Variants in KLB observed in about 807,000 individuals in gnomAD.
The protein encoded by KLB is beta-klotho.
Under a neutral mutation model 88.4 loss-of-function variants are expected in KLB, and 44 were observed. The ratio of observed to expected loss-of-function variants is 0.50; its 90% CI spans 0.39 to 0.64. The LOEUF (loss-of-function observed/expected upper bound fraction) is 0.64. Ranked by LOEUF, KLB falls within the 30% of genes least tolerant of loss-of-function variation. The probability of loss-of-function intolerance (pLI) is 0.00; values close to 1 mark genes in which losing one functional copy is unlikely to be tolerated. For synonymous variants in KLB, 548 were observed against 513.4 expected (o/e 1.07, Z -0.91); for missense variants, 1,137 against 1,304.8 (o/e 0.87, Z 1.98).
At chr4:39,417,937 G>T (rs181793246) in intron 1 of KLB, among the ~76,000 whole-genome samples, 3 of 152,086 alleles carry the variant, frequency 2.0e-5, no homozygotes, top group African/African-American at 7.2e-5. Context: ...ATCCAAGCTA[G>T]CAAGTTCTGA....
At chr4:39,420,275 G>A (rs1001905890) in intron 1 of KLB, among the ~76,000 whole-genome samples, 5 of 152,096 alleles carry the variant, frequency 3.3e-5, no homozygotes, top group African/African-American at 4.8e-5. Context: ...TAAAGGGCCA[G>A]GGTCTACTGT....
chr4:39,447,217 G>T lies in KLB; in HGVS notation c.2491G>T (p.Val831Leu), dbSNP rs377554151. 6.0e-5 allele frequency: 97 copies of T among 1,614,054 alleles called. 1 individual carries two copies. In the East Asian group the frequency reaches 1.3e-3, roughly 22 times the overall value. Residue 831 changes from valine (V) to leucine (L), a missense_variant, in exon 4 of 5, where the codon GTG (valine) becomes TTG (leucine). Val to Leu is a conservative substitution (Grantham distance 32). Transcript: ENST00000257408. Reference protein sequence around the residue: ...CALNHFTTRFVMHEQLAGSRY... With the variant: ...CALNHFTTRFLMHEQLAGSRY... ...GCTCAACCACTTCACCACTAGGTTC[G>T]TGATGCACGAGCAGCTGGCCGGCAG... is the stretch of plus-strand genomic sequence containing the variant.
chr4:39,434,141 C>A, intron 1 of KLB, 69 bp from the exon 2 acceptor site: 1 of 1,400,024 alleles, frequency 7.1e-7, no homozygotes, highest in Non-Finnish European at 9.8e-7. Context: ...ATGAAAAGGC[C>A]ATTTACCAGC....
rs984923563 is a variant in KLB at position 39,434,509 on chromosome 4, A to T, written c.1125A>T (p.Gly375=). 10 of 1,613,996 alleles carry T rather than the reference A, an allele frequency of 6.2e-6. No individual in the cohort carries two copies. The highest frequency in any genetic ancestry group is 5.0e-5 in the Admixed American group (3 of 59,982). The change falls in exon 2 of 5, where the codon GGA becomes GGT. Residue 375 remains glycine (G), a synonymous_variant. Coordinates refer to ENST00000257408, the MANE Select transcript of KLB (RefSeq NM_175737.4). ...CTGATTTCTTTGCCTTTTCTTTTGG[A>T]CCCAACAACTTCAAGCCCCTAAACA... ...GTADFFAFSF[G]PNNFKPLNTM...
chr4:39,445,617 G>A (rs1167546709), intron 3 of KLB, among the ~76,000 whole-genome samples: 1 of 149,352 alleles, frequency 6.7e-6, no homozygotes, highest in East Asian at 2.0e-4. Context: ...CGATTCTCCT[G>A]CCTCAGCCTC....
chr4:39,437,648 C>T, intron 2 of KLB, 79 bp from the exon 3 acceptor site: 1 of 1,472,182 alleles, frequency 6.8e-7, no homozygotes. Context: ...ATGCTGTCCT[C>T]TGGCATGTTA....
chr4:39,420,523 C>T (rs568698063), intron 1 of KLB, among the ~76,000 whole-genome samples: 1 of 152,060 alleles, frequency 6.6e-6, no homozygotes, highest in South Asian at 2.1e-4. Flanking sequence ...TCAACCAATA[C>T]CCTTGACTTC....
chr4:39,429,086 T>C (rs1369613236), intron 1 of KLB, among the ~76,000 whole-genome samples: 1 of 152,236 alleles, frequency 6.6e-6, no homozygotes, highest in East Asian at 1.9e-4. Flanking sequence ...TTTGTTATGC[T>C]TGTGGAGTTT....
At chr4:39,420,932 C>G (rs1039673676) in intron 1 of KLB, among the ~76,000 whole-genome samples, 1 of 152,158 alleles carries the variant, frequency 6.6e-6, no homozygotes, top group Non-Finnish European at 1.5e-5. Flanking sequence ...CCACACACCA[C>G]GGGAAGTAAC....
rs1743876301 is a variant in KLB, at chr4:39,450,825, C to T, written c.*2139C>T. On this transcript the variant is annotated 3_prime_UTR_variant, in exon 5 of 5. Coordinates refer to ENST00000257408, the MANE Select transcript of KLB (RefSeq NM_175737.4). The stretch of plus-strand genomic sequence containing the variant: ...GGAAAATTCTTTAATGTCAACTGGG[C>T]AACTCATTAACCTCTCTTTAACATC... The T allele has an allele frequency of 1.4e-5, 2 of 143,950 alleles. No individual in the cohort carries two copies. Among genetic ancestry groups the T allele is most frequent in the Admixed American group, 7.1e-5 (1 of 14,004 alleles). The allele number at this position is 143,950 out of a possible 1,614,324, so 8.9% of individuals were successfully genotyped here.
rs1743893958 is a variant in KLB, at chr4:39,451,349, TTC to T, written c.*2665_*2666del. Reference sequence around the variant, plus strand: ...GGTAAGATCTTTGGAGTTTAAGCTTTTCTGAGATGTGTTGTGAAAAATCTAAC... The same window carrying T: ...GGTAAGATCTTTGGAGTTTAAGCTTTTGAGATGTGTTGTGAAAAATCTAAC... On this transcript the variant is annotated 3_prime_UTR_variant, in exon 5 of 5. Transcript: ENST00000257408. 1 of 152,338 alleles carries T rather than the reference TTC, an allele frequency of 6.6e-6. No individual in the cohort carries two copies. Among genetic ancestry groups the T allele is most frequent in the South Asian group, 2.1e-4 (1 of 4,834 alleles). 9.4% of individuals were successfully genotyped at this position (152,338 alleles called of 1,614,324 possible).
At chr4:39,423,842 C>CT (rs899950240) in intron 1 of KLB, among the ~76,000 whole-genome samples, 7 of 151,246 alleles carry the variant, frequency 4.6e-5, no homozygotes, top group African/African-American at 1.7e-4. Flanking sequence ...GGGGAAGGAT[C>CT]TTTTTTTTAA....
rs893542820 is a variant in KLB at position 39,428,861 on chromosome 4, C to G, written c.826-5349C>G. On this transcript the variant is annotated intron_variant, in intron 1 of 4. Coordinates refer to ENST00000257408, the MANE Select transcript of KLB (RefSeq NM_175737.4). ...TAGCTGGGACTACAGGTGCCCGCCA[C>G]CATGACCGGCTAATTTTTGTATTTT... Among the ~76,000 whole-genome samples, 4 of 152,144 alleles carry G rather than the reference C, an allele frequency of 2.6e-5. No individual in the cohort carries two copies. The East Asian group carries it at 7.7e-4, about 29-fold the overall frequency.
At chr4:39,407,974 GT>G (rs1742766471) in intron 1 of KLB, among the ~76,000 whole-genome samples, 200 bp downstream of exon 1, 1 of 152,150 alleles carries the variant, frequency 6.6e-6, no homozygotes, top group African/African-American at 2.4e-5. Context: ...AATCCAATTA[GT>G]TTTTTCAAAA....
chr4:39,448,335 T>G lies in KLB; in HGVS notation c.2784T>G (p.Tyr928Ter). Residue 928 changes from tyrosine (Y) to a stop codon, truncating the protein, a stop_gained, in exon 5 of 5, where the codon TAT becomes TAG. Transcript: ENST00000257408. LOFTEE classifies it low-confidence loss of function (END_TRUNC). Reference sequence around the variant, plus strand: ...TTGATAAAGTCAGAATCAAAGGCTATTATGCATTCAAACTGGCTGAAGAGA... The same window carrying G: ...TTGATAAAGTCAGAATCAAAGGCTAGTATGCATTCAAACTGGCTGAAGAGA... ...YLIDKVRIKGYYAFKLAEEKS... is the reference protein window; with the variant it reads ...YLIDKVRIKG 2 of 1,610,984 alleles carry G rather than the reference T, an allele frequency of 1.2e-6. No homozygotes were observed. Among genetic ancestry groups the G allele is most frequent in the Non-Finnish European group, 1.7e-6 (2 of 1,177,704 alleles).
intron 1 of KLB, among the ~76,000 whole-genome samples, chr4:39,428,895 A>G (rs1216192687): frequency 6.6e-6 from 1 of 152,042 alleles, no homozygotes; most frequent in Non-Finnish European, 1.5e-5. Flanking sequence ...TTTAGTAGAG[A>G]CAGGGTCCCA....
rs187800919 is a variant in KLB at position 39,412,952 on chromosome 4, G to A, written c.825+5178G>A. On this transcript the variant is annotated intron_variant, in intron 1 of 4. Coordinates refer to ENST00000257408, the MANE Select transcript of KLB (RefSeq NM_175737.4). ...TGTCGAAATATTACTGATATTAATCGGGTGGTATATTAGTCAGGACTTTTT... is the reference window on the plus strand; with the variant it reads ...TGTCGAAATATTACTGATATTAATCAGGTGGTATATTAGTCAGGACTTTTT... Among the ~76,000 whole-genome samples, 439 of 152,154 alleles carry A rather than the reference G, an allele frequency of 2.9e-3. 1 individual carries two copies. Among genetic ancestry groups the A allele is most frequent in the Middle Eastern group, 6.8e-3 (2 of 294 alleles).
intron 3 of KLB, among the ~76,000 whole-genome samples, chr4:39,440,100 G>A (rs1377324160): frequency 2.1e-5 from 3 of 143,886 alleles, no homozygotes; most frequent in Admixed American, 6.9e-5. Flanking sequence ...CACCATGCCC[G>A]CTTTTTGTTT....
Position 39,447,219 on chromosome 4 carries a change from G to C in KLB, c.2493G>C (p.Val831=). ...CALNHFTTRF[V]MHEQLAGSRY... is the part of the protein sequence containing the mutation. ...TCAACCACTTCACCACTAGGTTCGT[G>C]ATGCACGAGCAGCTGGCCGGCAGCC... The change falls in exon 4 of 5, where the codon GTG becomes GTC. Residue 831 remains valine (V), a synonymous_variant. Transcript: ENST00000257408. 1 of 1,614,072 alleles carries C rather than the reference G, an allele frequency of 6.2e-7. No individual in the cohort carries two copies. The highest frequency in any genetic ancestry group is 8.5e-7 in the Non-Finnish European group (1 of 1,180,048).
Sources: allele counts gnomAD v4.1 joint callset (sites outside exome capture counted in the v4.1 genomes callset), GRCh38; gene constraint gnomAD v4.1.1; transcripts MANE v1.5; gene names NCBI Gene and HGNC (gene_info 2026-07-23, HGNC 2026-07-21).